Variants in ARHGEF26 observed in about 807,000 individuals in gnomAD.
ARHGEF26 encodes Rho guanine nucleotide exchange factor (GEF) 26.
In ARHGEF26, 59 loss-of-function variants were observed where a neutral mutation model predicts 89.4. That is an observed-to-expected ratio of 0.66 (90% CI 0.54 to 0.82). ARHGEF26 has a LOEUF of 0.82. ARHGEF26 is among the 40% of genes least tolerant of loss of function. The probability of loss-of-function intolerance (pLI) is 0.00; values close to 1 mark genes in which losing one functional copy is unlikely to be tolerated. For missense variants in ARHGEF26, 1,234 were observed against 1,085.6 expected (o/e 1.14, Z -1.92); for synonymous variants, 500 against 428.4 (o/e 1.17, Z -2.06).
intron 9 of ARHGEF26, among the ~76,000 whole-genome samples, chr3:154,206,675 C>T (rs142692983): frequency 1.4e-4 from 22 of 152,112 alleles, no homozygotes; most frequent in East Asian, 3.9e-4. Context: ...ATCTTTAAAA[C>T]GCTAATACTG....
chr3:154,144,968 C>T (rs1358403), intron 4 of ARHGEF26, among the ~76,000 whole-genome samples: 138,329 of 152,276 alleles, frequency 0.91, 63,050 homozygotes, highest in East Asian at 1. Flanking sequence ...CGTTCTCTCT[C>T]TCTGTTTACC....
intron 9 of ARHGEF26, among the ~76,000 whole-genome samples, chr3:154,204,987 G>A (rs1316566708): frequency 6.6e-6 from 1 of 152,078 alleles, no homozygotes; most frequent in African/African-American, 2.4e-5. Context: ...ATAGCTCCTG[G>A]ATGAAATGTT....
chr3:154,254,295 G>T, intron 13 of ARHGEF26, among the ~76,000 whole-genome samples: 1 of 151,832 alleles, frequency 6.6e-6, no homozygotes, highest in East Asian at 1.9e-4. Flanking sequence ...ACTTTTTTTT[G>T]GAAACTTTCA....
intron 10 of ARHGEF26, among the ~76,000 whole-genome samples, chr3:154,219,691 T>C (rs1429761468): frequency 6.6e-6 from 1 of 151,682 alleles, no homozygotes; most frequent in African/African-American, 2.4e-5. Context: ...AGTAAGTGAT[T>C]AACTGAGGTC....
intron 12 of ARHGEF26, among the ~76,000 whole-genome samples, chr3:154,252,313 T>C (rs1718205803): frequency 6.6e-6 from 1 of 152,168 alleles, no homozygotes. Context: ...TTGAGTGCAG[T>C]GTCTGACATG....
At chr3:154,192,405 A>G (rs1362825004) in intron 8 of ARHGEF26, among the ~76,000 whole-genome samples, 5 of 152,254 alleles carry the variant, frequency 3.3e-5, no homozygotes, top group African/African-American at 1.2e-4. Context: ...AAAAGCATGG[A>G]ATCATGAGCA....
intron 6 of ARHGEF26, among the ~76,000 whole-genome samples, chr3:154,159,657 T>G (rs996897948): frequency 6.6e-6 from 1 of 152,144 alleles, no homozygotes; most frequent in Non-Finnish European, 1.5e-5. Flanking sequence ...TGAGTTCATA[T>G]TACCAAAAAA....
Position 154,123,831 on chromosome 3 carries a change from T to C in ARHGEF26, c.1084-579T>C, listed in dbSNP as rs921396990. 4.6e-5 allele frequency among the ~76,000 whole-genome samples: 7 copies of C among 152,258 alleles called. No homozygotes were observed. In the East Asian group the frequency reaches 5.8e-4, roughly 13 times the overall value. On this transcript the variant is annotated intron_variant, in intron 2 of 14. Coordinates refer to ENST00000465093, the MANE Select transcript of ARHGEF26 (RefSeq NM_015595.4). ...GCACTTATTAAAATATTGTCAAATATGACATAAAGAAACAGGGAAAACTGA... is the reference window on the plus strand; with the variant it reads ...GCACTTATTAAAATATTGTCAAATACGACATAAAGAAACAGGGAAAACTGA...
At chr3:154,239,670 C>T (rs983999300) in intron 11 of ARHGEF26, among the ~76,000 whole-genome samples, 2 of 151,976 alleles carry the variant, frequency 1.3e-5, no homozygotes, top group African/African-American at 4.8e-5. Context: ...GAATTGCATT[C>T]CCAGAGGGTA....
intron 7 of ARHGEF26, among the ~76,000 whole-genome samples, chr3:154,188,249 C>G (rs1713717038): frequency 6.6e-6 from 1 of 152,102 alleles, no homozygotes; most frequent in African/African-American, 2.4e-5. Context: ...TTCTGATCTC[C>G]CTCCATTCAA....
chr3:154,218,628 C>CTTT (rs1715927970), intron 10 of ARHGEF26, among the ~76,000 whole-genome samples: 2 of 152,252 alleles, frequency 1.3e-5, no homozygotes, highest in South Asian at 4.1e-4. Context: ...TGTAATTAAA[C>CTTT]AATTTTAAAT....
chr3:154,209,882 A>G (rs1715258160), intron 9 of ARHGEF26, among the ~76,000 whole-genome samples: 1 of 152,194 alleles, frequency 6.6e-6, no homozygotes, highest in Non-Finnish European at 1.5e-5. Flanking sequence ...GGTACCGTTC[A>G]CAAACGGTCT....
intron 11 of ARHGEF26, among the ~76,000 whole-genome samples, chr3:154,235,855 G>C (rs563740375): frequency 6.6e-6 from 1 of 152,194 alleles, no homozygotes; most frequent in Non-Finnish European, 1.5e-5. Context: ...GCTGAAGTTG[G>C]CATCTCTTTA....
Position 154,256,039 on chromosome 3 carries a change from T to A in ARHGEF26, c.*566T>A, listed in dbSNP as rs1436236840. On this transcript the variant is annotated 3_prime_UTR_variant, in exon 15 of 15. Transcript: ENST00000465093. Reference sequence around the variant, plus strand: ...TAAACCTCTTCCCAGGAAGGGGACATTGACACTTGAATTTTTGTCACCTTT... The same window carrying A: ...TAAACCTCTTCCCAGGAAGGGGACAATGACACTTGAATTTTTGTCACCTTT... The A allele has an allele frequency of 1.0e-6, 1 of 985,662 alleles. No individual in the cohort carries two copies. The highest frequency in any genetic ancestry group is 1.2e-6 in the Non-Finnish European group (1 of 829,880). The allele number at this position is 985,662 out of a possible 1,614,324, so 61.1% of individuals were successfully genotyped here.
chr3:154,222,095 T>C (rs1465854841), intron 10 of ARHGEF26, among the ~76,000 whole-genome samples: 1 of 152,206 alleles, frequency 6.6e-6, no homozygotes, highest in African/African-American at 2.4e-5. Context: ...AGAGATTAAA[T>C]TCTTTGCTCA....
intron 8 of ARHGEF26, among the ~76,000 whole-genome samples, chr3:154,192,675 T>C (rs1714022029): frequency 6.6e-6 from 1 of 152,228 alleles, no homozygotes; most frequent in Non-Finnish European, 1.5e-5. Flanking sequence ...AATTTTTGCT[T>C]AAGAAGGAAA....
At chr3:154,143,732 A>T (rs1170592638) in intron 4 of ARHGEF26, among the ~76,000 whole-genome samples, 2 of 152,180 alleles carry the variant, frequency 1.3e-5, no homozygotes, top group Non-Finnish European at 2.9e-5. Context: ...CCAGTATTTT[A>T]TTAAATAGTG....
At chr3:154,212,698 T>TC (rs1174584376) in intron 9 of ARHGEF26, among the ~76,000 whole-genome samples, 2 of 152,092 alleles carry the variant, frequency 1.3e-5, no homozygotes, top group Non-Finnish European at 2.9e-5. Context: ...ACAGCCTAGA[T>TC]CCTTCACATG....
At chr3:154,144,231 C>CT (rs962630933) in intron 4 of ARHGEF26, among the ~76,000 whole-genome samples, 1 of 152,168 alleles carries the variant, frequency 6.6e-6, no homozygotes, top group African/African-American at 2.4e-5. Flanking sequence ...AGAGCTCAGG[C>CT]TTTGGGGGTG....
Sources: gnomAD v4.1 joint callset for allele counts (sites outside exome capture counted in the v4.1 genomes callset) on GRCh38, gnomAD v4.1.1 for gene constraint, MANE v1.5 for transcripts, NCBI Gene and HGNC (gene_info 2026-07-23, HGNC 2026-07-21) for gene names.